ANK3: variants seen among roughly 807,000 people sequenced by gnomAD.
ANK3 encodes ankyrin-3.
ANK3 carries 57 observed loss-of-function variants against 370.9 expected under a neutral mutation model. The observed-to-expected ratio is 0.15, with a 90% confidence interval of 0.12 to 0.19. ANK3 has a LOEUF of 0.19. ANK3 is among the 10% of genes least tolerant of loss of function. The pLI is 1.00. For missense variants in ANK3, 4,439 were observed against 5,302.1 expected (o/e 0.84, Z 5.06); for synonymous variants, 1,929 against 1,946.3 (o/e 0.99, Z 0.23).
At chr10:60,430,477 G>C (rs1359971319) in intron 2 of ANK3, among the ~76,000 whole-genome samples, 1 of 63,652 alleles carries the variant, frequency 1.6e-5, no homozygotes, top group Admixed American at 1.6e-4. Flanking sequence ...ATCTGCTCTG[G>C]TGAAAAATGA....
At chr10:60,230,588 T>C (rs531614547) in intron 8 of ANK3, among the ~76,000 whole-genome samples, 5 of 152,160 alleles carry the variant, frequency 3.3e-5, no homozygotes, top group Non-Finnish European at 5.9e-5. Context: ...ATGAGGTAAA[T>C]AGAAACATGA....
rs1334115099 is a variant in ANK3, at chr10:60,086,875, C to G, written c.3550G>C (p.Val1184Leu). The G allele has an allele frequency of 6.2e-7, 1 of 1,607,462 alleles. No homozygotes were observed. The highest frequency in any genetic ancestry group is 8.5e-7 in the Non-Finnish European group (1 of 1,177,974). The change falls in exon 30 of 44, where the codon GTT (valine) becomes CTT (leucine). Residue 1184 changes from valine (V) to leucine (L), a missense_variant. Around this residue, in one of 13 missense-constraint regions of ANK3, gnomAD observed 702 missense variants for 941.5 expected, o/e 0.75. Transcript: ENST00000280772. ...ATCTTTTTCACAATTTCATCTGGAACAGGCTGGGCCTAGAGACAGAGAAAG... is the reference window on the plus strand; with the variant it reads ...ATCTTTTTCACAATTTCATCTGGAAGAGGCTGGGCCTAGAGACAGAGAAAG... Reference protein sequence around the residue: ...RIRVGLQAQPVPDEIVKKILG... With the variant: ...RIRVGLQAQPLPDEIVKKILG...
In ANK3 at chr10:60,068,803, G is replaced by T; in HGVS notation, c.12078C>A (p.Ser4026=). Residue 4026 remains serine (S), a synonymous_variant, in exon 37 of 44, where the codon TCC becomes TCA. Transcript: ENST00000280772. ...TTCTTGAGGTACTTTCTTCCTCATC[G>T]GACAACTCGGACTGCATCTTTTTTT... is the stretch of plus-strand genomic sequence containing the variant. ...EEEKKMQSEL[S]DEEESTSRNT... is the part of the protein sequence containing the mutation. 1 of 1,614,194 alleles carries T rather than the reference G, an allele frequency of 6.2e-7. No individual in the cohort carries two copies. The highest frequency in any genetic ancestry group is 8.5e-7 in the Non-Finnish European group (1 of 1,180,030).
At chr10:60,221,272 G>C (rs761749843) in intron 8 of ANK3, among the ~76,000 whole-genome samples, 12 of 151,982 alleles carry the variant, frequency 7.9e-5, no homozygotes, top group Non-Finnish European at 1.5e-5. Context: ...TAGAGACTGA[G>C]TTTCACCATG....
Position 60,389,475 on chromosome 10 carries a change from G to T in ANK3, c.64C>A (p.Pro22Thr). ...TTGCGGTGTTTCCTTTTTTTCTCAGGCTCTTCTTCAGCATTGATTTCTAAA... is the reference window on the plus strand; with the variant it reads ...TTGCGGTGTTTCCTTTTTTTCTCAGTCTCTTCTTCAGCATTGATTTCTAAA... ...RDLEINAEEE[P>T]EKKRKHRKRS... The change falls in exon 1 of 44, where the codon CCT (proline) becomes ACT (threonine). Residue 22 changes from proline (P) to threonine (T), a missense_variant. Physicochemically the swap from Pro to Thr is conservative, Grantham distance 38. Transcript: ENST00000280772. 1 of 1,613,448 alleles carries T rather than the reference G, an allele frequency of 6.2e-7. No individual in the cohort carries two copies. The highest frequency in any genetic ancestry group is 8.5e-7 in the Non-Finnish European group (1 of 1,179,864).
At chr10:60,517,446 C>G (rs1312159885) in intron 2 of ANK3, among the ~76,000 whole-genome samples, 1 of 152,074 alleles carries the variant, frequency 6.6e-6, no homozygotes, top group African/African-American at 2.4e-5. Context: ...CCATCCTGAA[C>G]ATGCTCCATC....
chr10:60,721,958 T>G (rs1047500822), intron 1 of ANK3, among the ~76,000 whole-genome samples: 7 of 152,188 alleles, frequency 4.6e-5, no homozygotes, highest in Non-Finnish European at 7.3e-5. Flanking sequence ...TGTACATACA[T>G]TTTGAATGAT....
chr10:60,107,751 A>G (rs2092338128), intron 27 of ANK3, among the ~76,000 whole-genome samples: 1 of 152,198 alleles, frequency 6.6e-6, no homozygotes, highest in African/African-American at 2.4e-5. Context: ...CTAATTACAC[A>G]CACACACACA....
At chr10:60,154,370 G>A (rs1375091423) in intron 23 of ANK3, among the ~76,000 whole-genome samples, 1 of 152,158 alleles carries the variant, frequency 6.6e-6, no homozygotes, top group African/African-American at 2.4e-5. Context: ...AGGGTAGCAG[G>A]AGAGTCCTAG....
At chr10:60,715,039 T>G (rs1360830157) in intron 1 of ANK3, among the ~76,000 whole-genome samples, 2 of 152,180 alleles carry the variant, frequency 1.3e-5, no homozygotes, top group Middle Eastern at 3.2e-3. Context: ...TGTATCACTT[T>G]ACCCAAGGTG....
chr10:60,612,420 G>A, intron 2 of ANK3, among the ~76,000 whole-genome samples: 1 of 152,132 alleles, frequency 6.6e-6, no homozygotes, highest in Non-Finnish European at 1.5e-5. Flanking sequence ...TTAAGTTGGG[G>A]ATAAAAGGTA....
In ANK3 at chr10:60,663,159, G is replaced by T. The variant is rs1588990842; in HGVS notation, c.58-47935C>A. On this transcript the variant is annotated intron_variant, in intron 1 of 43. Coordinates refer to the ANK3 transcript ENST00000373827. ...AGAACACACATTCCCCCATCAGATT[G>T]CTGCCATTAAAGCACTTCGTATTGT... 2.0e-5 allele frequency among the ~76,000 whole-genome samples: 3 copies of T among 152,166 alleles called. No individual in the cohort carries two copies. The South Asian group carries it at 6.2e-4, about 32-fold the overall frequency.
chr10:60,361,437 T>C (rs2058594150), intron 1 of ANK3, among the ~76,000 whole-genome samples: 1 of 152,244 alleles, frequency 6.6e-6, no homozygotes, highest in Admixed American at 6.5e-5. Flanking sequence ...GAATGCTTTA[T>C]TAATTGGAAT....
In ANK3 at chr10:60,261,843, A is replaced by G; in HGVS notation, c.798+16T>C. On this transcript the variant is annotated intron_variant, in intron 7 of 43. Coordinates refer to ENST00000280772, the MANE Select transcript of ANK3 (RefSeq NM_020987.5). ...TGCAAATGCTTTAAAGGTATTACAC[A>G]TTGCTGTGCTCTTACCCTTGCGGTG... 1 of 1,610,036 alleles carries G rather than the reference A, an allele frequency of 6.2e-7. No homozygotes were observed. Among genetic ancestry groups the G allele is most frequent in the Non-Finnish European group, 8.5e-7 (1 of 1,176,404 alleles).
chr10:60,033,223 C>T (rs891546481), intron 43 of ANK3, among the ~76,000 whole-genome samples: 4 of 151,808 alleles, frequency 2.6e-5, no homozygotes, highest in African/African-American at 9.7e-5. Flanking sequence ...AACAGGGCCA[C>T]GCACGGTGGC....
chr10:60,503,758 C>G (rs762496857), intron 2 of ANK3, among the ~76,000 whole-genome samples: 3 of 152,164 alleles, frequency 2.0e-5, no homozygotes, highest in Admixed American at 6.6e-5. Context: ...AGAATTTGGT[C>G]TTTACAAGCT....
chr10:60,287,934 CA>C (rs2040405513), intron 1 of ANK3, among the ~76,000 whole-genome samples: 1 of 152,168 alleles, frequency 6.6e-6, no homozygotes, highest in African/African-American at 2.4e-5. Context: ...CTCATTTGTT[CA>C]AACGTTGTTG....
intron 2 of ANK3, among the ~76,000 whole-genome samples, chr10:60,602,782 C>T (rs1399106033): frequency 6.6e-6 from 1 of 152,008 alleles, no homozygotes; most frequent in Admixed American, 6.6e-5. Flanking sequence ...CCTGATATGA[C>T]CTAAATCATC....
intron 26 of ANK3, among the ~76,000 whole-genome samples, chr10:60,110,876 C>G (rs914670426): frequency 1.3e-5 from 2 of 152,142 alleles, no homozygotes; most frequent in Admixed American, 1.3e-4. Flanking sequence ...TACACACATA[C>G]ACACACACTG....
Sources: allele counts gnomAD v4.1 joint callset (sites outside exome capture counted in the v4.1 genomes callset), GRCh38; gene constraint gnomAD v4.1.1; regional missense constraint gnomAD v4.1.1; transcripts MANE v1.5; gene names NCBI Gene and HGNC (gene_info 2026-07-23, HGNC 2026-07-21).